P4HB: variants seen among roughly 807,000 people sequenced by gnomAD.
P4HB encodes prolyl 4-hydroxylase subunit beta.
In P4HB, 20 loss-of-function variants were observed where a neutral mutation model predicts 52.6. The observed-to-expected ratio is 0.38, with a 90% CI of 0.27 to 0.55. The LOEUF (loss-of-function observed/expected upper bound fraction) is 0.55. P4HB is among the 20% of genes least tolerant of loss of function. P4HB has a pLI of 0.74. For synonymous variants in P4HB, 296 were observed against 277.9 expected, an observed-to-expected ratio of 1.07 and a Z score of -0.65; for missense variants, 601 against 669.2, an observed-to-expected ratio of 0.90 and a Z score of 1.12.
In P4HB at chr17:81,855,186, A is replaced by G; in HGVS notation, c.580T>C (p.Ser194Pro). Residue 194 changes from serine (S) to proline (P), a missense_variant, in exon 4 of 11, where the codon TCC becomes CCC. Coordinates refer to ENST00000331483, the MANE Select transcript of P4HB (RefSeq NM_000918.4). This position sits in a 1 kb window ranked among gnomAD's most constrained non-coding sequence, Gnocchi z 4.3. ...CCATCTTTGTCGAGCTGGTATTTGG[A>G]GAACACGTCACTGTTGGAAGTGATC... ...FGITSNSDVF[S>P]KYQLDKDGVV... is the part of the protein sequence containing the mutation. The G allele has an allele frequency of 6.2e-7, 1 of 1,614,068 alleles. No individual in the cohort carries two copies. Among genetic ancestry groups the G allele is most frequent in the Non-Finnish European group, 8.5e-7 (1 of 1,179,978 alleles).
rs1484048987 is a variant in P4HB, at chr17:81,860,423, C to T, written c.49G>A (p.Ala17Thr). Residue 17 changes from alanine (A) to threonine (T), a missense_variant, in exon 1 of 11, where the codon GCC (alanine) becomes ACC (threonine). Transcript: ENST00000331483. ...TGGTCCTCCTCCTCGGGGGCGTCGGCGCGCACCAGGGCGGCCACGGCCAGG... is the reference window on the plus strand; with the variant it reads ...TGGTCCTCCTCCTCGGGGGCGTCGGTGCGCACCAGGGCGGCCACGGCCAGG... ...LCLAVAALVR[A>T]DAPEEEDHVL... The T allele has an allele frequency of 7.0e-7, 1 of 1,427,314 alleles. No homozygotes were observed. Among genetic ancestry groups the T allele is most frequent in the Non-Finnish European group, 9.2e-7 (1 of 1,086,752 alleles). 88.4% of individuals were successfully genotyped at this position (1,427,314 alleles called of 1,614,324 possible). A position where few individuals can be genotyped will look rare whatever the true frequency, so the allele number is the denominator to read the frequency against.
intron 2 of P4HB, among the ~76,000 whole-genome samples, chr17:81,857,719 A>G (rs1419246794): frequency 6.6e-6 from 1 of 152,160 alleles, no homozygotes. Context: ...TATGCCACCA[A>G]AGGCGGTCAA....
intron 4 of P4HB, among the ~76,000 whole-genome samples, chr17:81,850,175 C>G (rs752555476): frequency 1.7e-4 from 26 of 151,694 alleles, no homozygotes; most frequent in Non-Finnish European, 3.5e-4. Flanking sequence ...TCTTGTTGCC[C>G]AGGCTAGAGT....
rs2038694396 is a variant in P4HB, at chr17:81,844,094, TG to T, written c.1447-3del. ...TGCTTCTTCCAGGTCCTCGAGATCC[TG>T]GGATACAGGAAAAGGGGCGGGGCGG... On this transcript the variant is annotated splice_polypyrimidine_tract_variant and splice_region_variant and intron_variant, in intron 10 of 10. Transcript: ENST00000331483. The T allele has an allele frequency of 6.2e-7, 1 of 1,609,602 alleles. No homozygotes were observed. Among genetic ancestry groups the T allele is most frequent in the Non-Finnish European group, 8.5e-7 (1 of 1,175,998 alleles).
At position 81,846,840 on chromosome 17, in the gene P4HB, G is replaced by A. The variant is rs151199850; in HGVS notation, c.855+107C>T. On this transcript the variant is annotated intron_variant, in intron 6 of 10. Coordinates refer to ENST00000331483, the MANE Select transcript of P4HB (RefSeq NM_000918.4). The surrounding 1 kb of genome is among the most constrained non-coding windows in gnomAD (Gnocchi z 5.7). ...CCAGGCTGTCCTGAATCAGGTGCCC[G>A]ATCCAGTCCAGCAGGCAGCCTCAGG... 5.6e-4 allele frequency: 798 copies of A among 1,431,488 alleles called. 7 individuals are homozygous for A. In the African/African-American group the frequency reaches 7.7e-3, roughly 14 times the overall value. 88.7% of individuals were successfully genotyped at this position (1,431,488 alleles called of 1,614,324 possible). A position where few individuals can be genotyped will look rare whatever the true frequency, so the allele number is the denominator to read the frequency against.
intron 1 of P4HB, 103 bp downstream of exon 1, chr17:81,860,224 G>T: frequency 1.0e-6 from 1 of 977,932 alleles, no homozygotes; most frequent in Non-Finnish European, 1.3e-6. Context: ...AGTTCCGGGC[G>T]CGCCGGGGGT....
chr17:81,844,091 T>A lies in P4HB; in HGVS notation c.1448A>T (p.Asp483Val). Residue 483 changes from aspartate to valine, a missense_variant and splice_region_variant, in exon 11 of 11, where the codon GAT becomes GTT. Transcript: ENST00000331483. Reference sequence around the variant, plus strand: ...CTCTGCTTCTTCCAGGTCCTCGAGATCCTGGGATACAGGAAAAGGGGCGGG... The same window carrying A: ...CTCTGCTTCTTCCAGGTCCTCGAGAACCTGGGATACAGGAAAAGGGGCGGG... ...GGQDGAGDDD[D>V]LEDLEEAEEP... The A allele has an allele frequency of 6.2e-7, 1 of 1,608,120 alleles. No homozygotes were observed. Among genetic ancestry groups the A allele is most frequent in the Non-Finnish European group, 8.5e-7 (1 of 1,174,638 alleles).
rs564287678 is a variant in P4HB at position 81,845,147 on chromosome 17, A to G, written c.1443T>C (p.Asp481=). 1.6e-5 allele frequency: 25 copies of G among 1,611,760 alleles called. No homozygotes were observed. The highest frequency in any genetic ancestry group is 9.3e-5 in the African/African-American group (7 of 74,994). ...CCAGGGCTGTGACCCCACTCACGTC[A>G]TCATCCCCTGCCCCATCCTGGCCAC... The part of the protein sequence containing the change: ...ESGGQDGAGD[D]DDLEDLEEAE... The change falls in exon 10 of 11, where the codon GAT becomes GAC. Residue 481 remains aspartate, a synonymous_variant. Transcript: ENST00000331483.
intron 4 of P4HB, among the ~76,000 whole-genome samples, chr17:81,851,092 G>A (rs897821452): frequency 2.9e-4 from 44 of 151,928 alleles, no homozygotes; most frequent in Non-Finnish European, 5.4e-4. Context: ...CACCACGCCC[G>A]GCTAATTTTT....
chr17:81,857,239 C>T (rs555995736), intron 2 of P4HB, among the ~76,000 whole-genome samples: 1 of 152,206 alleles, frequency 6.6e-6, no homozygotes, highest in South Asian at 2.1e-4. Flanking sequence ...ACCTTACCTC[C>T]CAGGTTCAAG....
At position 81,846,298 on chromosome 17, in the gene P4HB, C is replaced by T. The variant is rs2038734344; in HGVS notation, c.1056+131G>A. 2 of 865,700 alleles carry T rather than the reference C, an allele frequency of 2.3e-6. No individual in the cohort carries two copies. The highest frequency in any genetic ancestry group is 3.7e-6 in the Non-Finnish European group (2 of 546,344). 53.6% of individuals were successfully genotyped at this position (865,700 alleles called of 1,614,324 possible). ...TGTGACAAGAATGGTGGTCTTCACACCATCTTGGGCTCCGTCCTCTTACTC... is the reference window on the plus strand; with the variant it reads ...TGTGACAAGAATGGTGGTCTTCACATCATCTTGGGCTCCGTCCTCTTACTC... On this transcript the variant is annotated intron_variant, in intron 7 of 10. Transcript: ENST00000331483. This position sits in a 1 kb window ranked among gnomAD's most constrained non-coding sequence, Gnocchi z 5.7.
intron 4 of P4HB, among the ~76,000 whole-genome samples, chr17:81,849,874 C>G (rs2038801078): frequency 6.6e-6 from 1 of 152,062 alleles, no homozygotes; most frequent in Non-Finnish European, 1.5e-5. Flanking sequence ...GTCACCCAGG[C>G]TGGAGTGCAA....
At chr17:81,860,098 GA>G (rs2038974900) in intron 1 of P4HB, 1 of 393,300 alleles carries the variant, frequency 2.5e-6, no homozygotes. Context: ...GCACTAACAG[GA>G]AGATCCTGCC....
chr17:81,846,877 C>T lies in P4HB; in HGVS notation c.855+70G>A, dbSNP rs2143320574. Reference sequence around the variant, plus strand: ...CAGGCAGCCTCAGGAAGGCCCCACACTTGTCACCTCGGGAAGAGTTGTACT... The same window carrying T: ...CAGGCAGCCTCAGGAAGGCCCCACATTTGTCACCTCGGGAAGAGTTGTACT... On this transcript the variant is annotated intron_variant, in intron 6 of 10. Transcript: ENST00000331483. The surrounding 1 kb of genome is among the most constrained non-coding windows in gnomAD (Gnocchi z 5.7). 8 of 1,592,132 alleles carry T rather than the reference C, an allele frequency of 5.0e-6. No homozygotes were observed. Among genetic ancestry groups the T allele is most frequent in the Non-Finnish European group, 6.0e-6 (7 of 1,164,872 alleles).
intron 2 of P4HB, 84 bp downstream of exon 2, chr17:81,859,097 C>G (rs903522132): frequency 1.5e-6 from 2 of 1,309,538 alleles, no homozygotes; most frequent in Non-Finnish European, 2.2e-6. Context: ...GCCTCCCCAC[C>G]GCTCAGACAG....
At chr17:81,848,269 G>A (rs574910080) in intron 4 of P4HB, among the ~76,000 whole-genome samples, 1 of 152,324 alleles carries the variant, frequency 6.6e-6, no homozygotes, top group Admixed American at 6.5e-5. Context: ...ACGTGCTGCG[G>A]CACAGACCCA....
chr17:81,855,134 C>T lies in P4HB; in HGVS notation c.624+8G>A, dbSNP rs1433569769. The T allele has an allele frequency of 6.2e-7, 1 of 1,613,932 alleles. No individual in the cohort carries two copies. ...CTAACCTGGGCAGAGCTGCCTGGGG[C>T]CACTCACCTTCTTAAAGAGGACAAC... On this transcript the variant is annotated splice_region_variant and intron_variant, in intron 4 of 10. Transcript: ENST00000331483. The surrounding 1 kb of genome is among the most constrained non-coding windows in gnomAD (Gnocchi z 4.3).
intron 4 of P4HB, among the ~76,000 whole-genome samples, chr17:81,849,469 C>T (rs1235233316): frequency 6.6e-6 from 1 of 151,968 alleles, no homozygotes; most frequent in Non-Finnish European, 1.5e-5. Context: ...GCATTCGAGC[C>T]TGGCAACAGA....
At chr17:81,851,278 T>C (rs939018261) in intron 4 of P4HB, among the ~76,000 whole-genome samples, 1 of 152,192 alleles carries the variant, frequency 6.6e-6, no homozygotes, top group African/African-American at 2.4e-5. Flanking sequence ...ACGCATCCTT[T>C]CTTACTGGCC....
Sources: gnomAD v4.1 joint callset for allele counts (sites outside exome capture counted in the v4.1 genomes callset) on GRCh38, gnomAD v4.1.1 for gene constraint, Gnocchi (gnomAD v3.1) non-coding constraint, MANE v1.5 for transcripts, NCBI Gene and HGNC (gene_info 2026-07-23, HGNC 2026-07-21) for gene names.